The following P4HA3 variants were observed in gnomAD, a reference collection of about 807,000 sequenced individuals.
P4HA3 encodes prolyl 4-hydroxylase subunit alpha 3, also known as prolyl 4-hydroxylase subunit alpha-3.
In P4HA3, 60 loss-of-function variants were observed where a neutral mutation model predicts 66.7. The ratio of observed to expected loss-of-function variants is 0.90; its 90% CI spans 0.73 to 1.12. P4HA3 has a LOEUF of 1.12. P4HA3 is among the 50% of genes most tolerant of loss of function. The pLI is 0.00. For missense variants in P4HA3, 683 were observed against 685.8 expected (o/e 1.00, Z 0.05); for synonymous variants, 263 against 274.6 (o/e 0.96, Z 0.42).
intron 10 of P4HA3, 67 bp downstream of exon 10, chr11:74,273,478 T>G: frequency 7.6e-7 from 1 of 1,316,560 alleles, no homozygotes; most frequent in South Asian, 2.1e-5. Context: ...TGAAATTGCT[T>G]TGAAAACAAT....
At chr11:74,276,439 G>T (rs1239964381) in intron 9 of P4HA3, among the ~76,000 whole-genome samples, 2 of 152,052 alleles carry the variant, frequency 1.3e-5, no homozygotes, top group East Asian at 3.9e-4. Context: ...TAGTCCTAGA[G>T]CTACTTGGGA....
chr11:74,309,874 C>T (rs1004837057), intron 1 of P4HA3, among the ~76,000 whole-genome samples: 2 of 152,182 alleles, frequency 1.3e-5, no homozygotes, highest in African/African-American at 2.4e-5. Flanking sequence ...AAATACTTTC[C>T]ACCCACAAAA....
intron 11 of P4HA3, among the ~76,000 whole-genome samples, chr11:74,268,976 C>T (rs1415487017): frequency 6.6e-6 from 1 of 152,186 alleles, no homozygotes; most frequent in Non-Finnish European, 1.5e-5. Context: ...CTACAAGAGG[C>T]GTCAAGCTCC....
chr11:74,307,655 C>G (rs143435390), intron 1 of P4HA3, among the ~76,000 whole-genome samples: 2 of 152,326 alleles, frequency 1.3e-5, no homozygotes, highest in African/African-American at 4.8e-5. Context: ...ATGCTGAATT[C>G]AAACCTCAGG....
At chr11:74,305,871 T>C (rs1861565476) in intron 1 of P4HA3, among the ~76,000 whole-genome samples, 1 of 152,162 alleles carries the variant, frequency 6.6e-6, no homozygotes, top group East Asian at 1.9e-4. Context: ...GTCTCAAGGA[T>C]CCACAGTTTA....
At chr11:74,284,326 C>T (rs1284527912) in intron 7 of P4HA3, among the ~76,000 whole-genome samples, 1 of 152,198 alleles carries the variant, frequency 6.6e-6, no homozygotes, top group Non-Finnish European at 1.5e-5. Flanking sequence ...ACATGCTTTG[C>T]TCTGACCAGT....
intron 1 of P4HA3, 27 bp downstream of exon 1, chr11:74,311,385 G>C: frequency 6.8e-7 from 1 of 1,474,686 alleles, no homozygotes; most frequent in Non-Finnish European, 8.9e-7. Flanking sequence ...GAGGCCCCTC[G>C]GTCGCTCCCA....
Position 74,286,241 on chromosome 11 carries a change from G to A in P4HA3, c.920C>T (p.Thr307Ile). ...GAGGAATCCTACCTGGGAACCCAGG[G>A]TCTGACATAGCCCCTCGTAGGTGTC... is the stretch of plus-strand genomic sequence containing the variant. ...TRDTYEGLCQ[T>I]LGSQPTLYQI... Residue 307 changes from threonine to isoleucine, a missense_variant, in exon 6 of 13, where the codon ACC (threonine) becomes ATC (isoleucine). Transcript: ENST00000331597. 1 of 1,612,370 alleles carries A rather than the reference G, an allele frequency of 6.2e-7. No homozygotes were observed. Among genetic ancestry groups the A allele is most frequent in the Non-Finnish European group, 8.5e-7 (1 of 1,179,582 alleles).
Position 74,266,857 on chromosome 11 carries a change from CT to C in P4HA3, c.*390del, listed in dbSNP as rs968688091. On this transcript the variant is annotated 3_prime_UTR_variant, in exon 13 of 13. Transcript: ENST00000331597. The stretch of plus-strand genomic sequence containing the variant: ...AAAGTTCTGGGAGTCAGGCTAGCCC[CT>C]CCTGCAGGTGTCCTCATTGCCACTT... The C allele has an allele frequency of 2.2e-5, 15 of 684,774 alleles. No homozygotes were observed. The African/African-American group carries it at 2.5e-4, about 12-fold the overall frequency. The allele number at this position is 684,774 out of a possible 1,614,324, so 42.4% of individuals were successfully genotyped here.
chr11:74,309,846 A>G (rs1591144538), intron 1 of P4HA3, among the ~76,000 whole-genome samples: 1 of 152,354 alleles, frequency 6.6e-6, no homozygotes, highest in East Asian at 1.9e-4. Context: ...TTCAGTCACT[A>G]TTAACAAGAT....
chr11:74,250,915 T>C, intron 15 of P4HA3: 1 of 1,530,036 alleles, frequency 6.5e-7, no homozygotes, highest in Non-Finnish European at 8.9e-7. Context: ...AGAGGGCTCT[T>C]TTAGTCGCTG....
At chr11:74,278,080 G>T (rs1860462605) in intron 8 of P4HA3, among the ~76,000 whole-genome samples, 1 of 152,184 alleles carries the variant, frequency 6.6e-6, no homozygotes, top group Non-Finnish European at 1.5e-5. Flanking sequence ...AACAAAGTAA[G>T]GTACAGTGAA....
rs1861492731 is a variant in P4HA3 at position 74,303,803 on chromosome 11, G to A, written c.343+467C>T. On this transcript the variant is annotated intron_variant, in intron 2 of 12. Transcript: ENST00000331597. The stretch of plus-strand genomic sequence containing the variant: ...TTCACTATGTTGGTTAGGCTGGTCT[G>A]GAACTCCTGACCTCAAGTGATCAGC... Among the ~76,000 whole-genome samples, 3 of 151,836 alleles carry A rather than the reference G, an allele frequency of 2.0e-5. No individual in the cohort carries two copies. In the South Asian group the frequency reaches 6.2e-4, roughly 32 times the overall value.
intron 4 of P4HA3, among the ~76,000 whole-genome samples, chr11:74,290,879 G>A (rs558118652): frequency 3.9e-4 from 59 of 152,300 alleles, no homozygotes; most frequent in African/African-American, 1.4e-3. Context: ...CAGGTAGTGT[G>A]ATGCCTCCAG....
chr11:74,279,063 T>A (rs1421285768), intron 8 of P4HA3, among the ~76,000 whole-genome samples: 1 of 152,178 alleles, frequency 6.6e-6, no homozygotes, highest in Non-Finnish European at 1.5e-5. Context: ...TCTTGTAAAG[T>A]TAAATTACAA....
chr11:74,301,642 A>C (rs1248594891), intron 3 of P4HA3, among the ~76,000 whole-genome samples: 1 of 152,226 alleles, frequency 6.6e-6, no homozygotes, highest in Non-Finnish European at 1.5e-5. Flanking sequence ...CAAAGTTAAA[A>C]TGGATTTGCT....
intron 8 of P4HA3, 40 bp downstream of exon 8, chr11:74,279,348 G>A (rs1259960674): frequency 6.3e-7 from 1 of 1,582,110 alleles, no homozygotes; most frequent in African/African-American, 1.3e-5. Context: ...TACGGCCCGA[G>A]GGTGGGCAGC....
intron 1 of P4HA3, among the ~76,000 whole-genome samples, chr11:74,307,590 A>T (rs935315338): frequency 6.6e-6 from 1 of 152,222 alleles, no homozygotes; most frequent in Non-Finnish European, 1.5e-5. Context: ...AGTTGGCCCT[A>T]TGCCCAGCCT....
intron 6 of P4HA3, 57 bp downstream of exon 6, chr11:74,286,171 A>G (rs777851244): frequency 6.4e-7 from 1 of 1,571,040 alleles, no homozygotes; most frequent in Non-Finnish European, 8.6e-7. Flanking sequence ...TCCCAATTCT[A>G]GCTTCTCAAA....
Sources: gnomAD v4.1 joint callset for allele counts (sites outside exome capture counted in the v4.1 genomes callset) on GRCh38, gnomAD v4.1.1 for gene constraint, MANE v1.5 for transcripts, NCBI Gene and HGNC (gene_info 2026-07-23, HGNC 2026-07-21) for gene names.